The following ERICH6B variants were observed in gnomAD, a reference collection of about 807,000 sequenced individuals.
ERICH6B encodes glutamate-rich protein 6B.
A neutral mutation model predicts 80.0 loss-of-function variants in ERICH6B; 69 were observed. That is an observed-to-expected ratio of 0.86 (90% CI 0.71 to 1.05). The LOEUF (loss-of-function observed/expected upper bound fraction) is 1.05, where lower values mean the gene tolerates loss of function less well. Among genes scored for constraint, ERICH6B ranks in the 50% least tolerant of loss-of-function variants. The pLI, the probability that ERICH6B is intolerant of heterozygous loss-of-function variation, is 0.00. For synonymous variants in ERICH6B, 283 were observed against 291.9 expected, an observed-to-expected ratio of 0.97 and a Z score of 0.31; for missense variants, 754 against 796.1, an observed-to-expected ratio of 0.95 and a Z score of 0.64.
At chr13:45,606,799 C>T (rs1296494598) in intron 2 of ERICH6B, among the ~76,000 whole-genome samples, 1 of 151,720 alleles carries the variant, frequency 6.6e-6, no homozygotes, top group East Asian at 1.9e-4. Context: ...GGTGATCCGT[C>T]CACCTCAGCC....
intron 11 of ERICH6B, among the ~76,000 whole-genome samples, chr13:45,557,900 CT>C (rs1393015643): frequency 6.6e-6 from 1 of 151,324 alleles, no homozygotes; most frequent in Non-Finnish European, 1.5e-5. Context: ...CTTAGTCTTG[CT>C]TTGGCTATGT....
chr13:45,613,330 A>C (rs995968468), intron 1 of ERICH6B, among the ~76,000 whole-genome samples: 2 of 152,076 alleles, frequency 1.3e-5, no homozygotes, highest in Non-Finnish European at 2.9e-5. Flanking sequence ...GGTTGTACAG[A>C]CTGGTTTGAT....
At chr13:45,598,224 G>C (rs538489832) in intron 2 of ERICH6B, among the ~76,000 whole-genome samples, 2 of 152,044 alleles carry the variant, frequency 1.3e-5, no homozygotes, top group South Asian at 4.2e-4. Flanking sequence ...TCTTCCATTA[G>C]GTGTAAATGT....
chr13:45,563,795 G>A lies in ERICH6B; in HGVS notation c.1188-7C>T, dbSNP rs1345164792. 6.4e-7 allele frequency: 1 copy of A among 1,551,586 alleles called. No homozygotes were observed. Among genetic ancestry groups the A allele is most frequent in the African/African-American group, 1.4e-5 (1 of 73,042 alleles). ...TTCATAATTTTTCTTCAGCCTAAAA[G>A]GAAAGTGGATCATCTTTAGAAGCCA... On this transcript the variant is annotated splice_region_variant and splice_polypyrimidine_tract_variant and intron_variant, in intron 9 of 14. Transcript: ENST00000298738.
rs1265039251 is a variant in ERICH6B at position 45,597,032 on chromosome 13, CCTT to C, written c.-30_-28del. The C allele has an allele frequency of 4.2e-5, 63 of 1,508,576 alleles. No homozygotes were observed. Among genetic ancestry groups the C allele is most frequent in the Non-Finnish European group, 5.0e-5 (56 of 1,125,760 alleles). 93.4% of individuals were successfully genotyped at this position (1,508,576 alleles called of 1,614,324 possible). On this transcript the variant is annotated 5_prime_UTR_variant, in exon 3 of 15. Transcript: ENST00000298738. ...CTGGGGAAGTCGTAGGTGGTGAACT[CCTT>C]CTGCAGCAGCCAACGTCACTTTATT...
chr13:45,575,557 T>A (rs375476842), intron 7 of ERICH6B, among the ~76,000 whole-genome samples: 3 of 152,150 alleles, frequency 2.0e-5, no homozygotes, highest in Non-Finnish European at 2.9e-5. Context: ...CCGAGTGTGA[T>A]TTTCACTTGG....
intron 13 of ERICH6B, 68 bp downstream of exon 13, chr13:45,549,825 G>A: frequency 6.7e-7 from 1 of 1,486,300 alleles, no homozygotes; most frequent in Non-Finnish European, 9.0e-7. Flanking sequence ...CATACAGTCT[G>A]GGAGTCACGC....
chr13:45,609,629 A>G (rs1269596161), intron 1 of ERICH6B, among the ~76,000 whole-genome samples: 2 of 152,218 alleles, frequency 1.3e-5, no homozygotes, highest in African/African-American at 2.4e-5. Flanking sequence ...CTCGACAAAT[A>G]ATTGACAAAA....
intron 1 of ERICH6B, among the ~76,000 whole-genome samples, chr13:45,612,237 T>TC (rs1223094898): frequency 6.6e-6 from 1 of 152,168 alleles, no homozygotes; most frequent in Non-Finnish European, 1.5e-5. Flanking sequence ...CTTTCTTCTT[T>TC]CCCTCTTTCC....
intron 7 of ERICH6B, among the ~76,000 whole-genome samples, chr13:45,577,557 A>G (rs573703703): frequency 1.3e-5 from 2 of 152,160 alleles, no homozygotes; most frequent in South Asian, 2.1e-4. Context: ...GCTGGGATTA[A>G]GAACAAATCT....
At chr13:45,597,728 A>G (rs553302969) in intron 2 of ERICH6B, among the ~76,000 whole-genome samples, 1 of 152,096 alleles carries the variant, frequency 6.6e-6, no homozygotes, top group Non-Finnish European at 1.5e-5. Context: ...CATGTCCTCT[A>G]TATTTTTTTT....
At chr13:45,591,912 A>G (rs1350149611) in intron 3 of ERICH6B, among the ~76,000 whole-genome samples, 5 of 152,210 alleles carry the variant, frequency 3.3e-5, no homozygotes, top group East Asian at 1.9e-4. Flanking sequence ...ACAAGAAGAT[A>G]TTCGTTTTTT....
intron 11 of ERICH6B, among the ~76,000 whole-genome samples, chr13:45,560,360 T>C (rs9316147): frequency 0.021 from 3,157 of 152,252 alleles, 113 homozygotes; most frequent in African/African-American, 0.071. Context: ...AAAAATTGAG[T>C]GGAAAGTACA....
At chr13:45,569,926 T>C (rs897581697) in intron 8 of ERICH6B, among the ~76,000 whole-genome samples, 3 of 152,178 alleles carry the variant, frequency 2.0e-5, no homozygotes, top group Admixed American at 1.3e-4. Context: ...AATCCCTCCT[T>C]TGGGATGAAG....
intron 2 of ERICH6B, among the ~76,000 whole-genome samples, chr13:45,598,933 C>T (rs895227709): frequency 6.6e-6 from 1 of 152,182 alleles, no homozygotes; most frequent in Non-Finnish European, 1.5e-5. Context: ...CTCTGAGAGG[C>T]TACATTCACC....
At chr13:45,564,853 C>T (rs371001085) in intron 9 of ERICH6B, among the ~76,000 whole-genome samples, 2 of 152,194 alleles carry the variant, frequency 1.3e-5, no homozygotes, top group Non-Finnish European at 2.9e-5. Flanking sequence ...GGGATCTAGC[C>T]AGAGGCACCC....
intron 2 of ERICH6B, among the ~76,000 whole-genome samples, chr13:45,603,559 C>T (rs1055957315): frequency 6.6e-6 from 1 of 152,192 alleles, no homozygotes; most frequent in Admixed American, 6.5e-5. Context: ...TCTTTCCTAA[C>T]ATGCCAGGTG....
intron 2 of ERICH6B, among the ~76,000 whole-genome samples, chr13:45,601,067 C>T (rs931141804): frequency 6.6e-6 from 1 of 152,142 alleles, no homozygotes; most frequent in African/African-American, 2.4e-5. Context: ...CTCCCTTACC[C>T]CTGATGTTTC....
At chr13:45,548,037 G>A (rs369621242) in intron 13 of ERICH6B, among the ~76,000 whole-genome samples, 20 of 152,292 alleles carry the variant, frequency 1.3e-4, no homozygotes, top group Middle Eastern at 3.4e-3. Flanking sequence ...CCACCCACCA[G>A]GGACCCTGAG....
Sources: gnomAD v4.1 joint callset for allele counts (sites outside exome capture counted in the v4.1 genomes callset) on GRCh38, gnomAD v4.1.1 for gene constraint, MANE v1.5 for transcripts, NCBI Gene and HGNC (gene_info 2026-07-23, HGNC 2026-07-21) for gene names.